Variants in KCTD16 observed in about 807,000 individuals in gnomAD.
KCTD16 encodes the protein potassium channel tetramerization domain containing 16.
A neutral mutation model predicts 33.2 loss-of-function variants in KCTD16; 13 were observed. The ratio of observed to expected loss-of-function variants is 0.39; its 90% CI spans 0.25 to 0.62. The LOEUF (loss-of-function observed/expected upper bound fraction) is 0.62, where lower values mean the gene tolerates loss of function less well. Ranked by LOEUF, KCTD16 falls within the 20% of genes least tolerant of loss-of-function variation. The pLI, the probability that KCTD16 is intolerant of heterozygous loss-of-function variation, is 0.50. For synonymous variants in KCTD16, 197 were observed against 195.3 expected, an observed-to-expected ratio of 1.01 and a Z score of -0.07; for missense variants, 441 against 525.1, an observed-to-expected ratio of 0.84 and a Z score of 1.57.
intron 3 of KCTD16, among the ~76,000 whole-genome samples, chr5:144,422,524 G>A (rs943126898): frequency 3.3e-5 from 5 of 152,124 alleles, no homozygotes; most frequent in African/African-American, 9.7e-5. Context: ...TCTCAACTCC[G>A]TCTCCAAATA....
chr5:144,299,106 A>ATCAC (rs61620861), intron 3 of KCTD16, among the ~76,000 whole-genome samples: 5 of 9,068 alleles, frequency 5.5e-4, no homozygotes, highest in African/African-American at 2.6e-3. Flanking sequence ...GTATATATAT[A>ATCAC]TATATATATA....
At chr5:144,199,869 C>A (rs1753010175) in intron 2 of KCTD16, among the ~76,000 whole-genome samples, 1 of 151,956 alleles carries the variant, frequency 6.6e-6, no homozygotes, top group Non-Finnish European at 1.5e-5. Context: ...TGCGTACCAT[C>A]ACACCCGACT....
chr5:144,385,595 C>T (rs778249831), intron 3 of KCTD16, among the ~76,000 whole-genome samples: 4 of 152,160 alleles, frequency 2.6e-5, no homozygotes, highest in Non-Finnish European at 4.4e-5. Context: ...TTCCCCTTCT[C>T]ACAATAGAAA....
intron 2 of KCTD16, among the ~76,000 whole-genome samples, chr5:144,204,196 G>C (rs570202058): frequency 6.6e-6 from 1 of 152,164 alleles, no homozygotes; most frequent in Non-Finnish European, 1.5e-5. Flanking sequence ...CAATAAACAC[G>C]TTTCTCATAA....
In KCTD16 at chr5:144,412,493, A is replaced by G. The variant is rs533670123; in HGVS notation, c.833-61167A>G. Among the ~76,000 whole-genome samples the G allele has an allele frequency of 2.4e-4, 37 of 152,326 alleles. 1 individual carries two copies. The South Asian group carries it at 6.6e-3, about 27-fold the overall frequency. ...AAAGAATCCTGTGAAGATAAGGAGTAGATTGGTGCTTATCAGAGGCTAGGA... is the reference window on the plus strand; with the variant it reads ...AAAGAATCCTGTGAAGATAAGGAGTGGATTGGTGCTTATCAGAGGCTAGGA... On this transcript the variant is annotated intron_variant, in intron 3 of 3. Coordinates refer to ENST00000512467, the MANE Select transcript of KCTD16 (RefSeq NM_020768.4).
At chr5:144,408,852 T>A (rs1382461676) in intron 3 of KCTD16, among the ~76,000 whole-genome samples, 1 of 152,184 alleles carries the variant, frequency 6.6e-6, no homozygotes, top group Admixed American at 6.5e-5. Context: ...ATGTTCCTTA[T>A]TCCTCCCCCA....
intron 3 of KCTD16, among the ~76,000 whole-genome samples, chr5:144,453,729 A>C (rs1395286421): frequency 6.6e-6 from 1 of 152,190 alleles, no homozygotes; most frequent in Non-Finnish European, 1.5e-5. Flanking sequence ...AGAATTCTTG[A>C]CCAGCTAGTG....
chr5:144,211,715 A>G (rs1378434938), intron 3 of KCTD16, among the ~76,000 whole-genome samples: 2 of 152,158 alleles, frequency 1.3e-5, no homozygotes, highest in Non-Finnish European at 2.9e-5. Flanking sequence ...AATAATTTCA[A>G]TTTTTATTAC....
chr5:144,431,797 C>T (rs947809115), intron 3 of KCTD16, among the ~76,000 whole-genome samples: 3 of 152,120 alleles, frequency 2.0e-5, no homozygotes, highest in African/African-American at 7.2e-5. Flanking sequence ...AATACATGCA[C>T]TCAATAACTT....
intron 3 of KCTD16, among the ~76,000 whole-genome samples, chr5:144,291,914 A>C (rs562638990): frequency 1.5e-4 from 23 of 152,340 alleles, no homozygotes; most frequent in African/African-American, 5.5e-4. Context: ...CAGATTCTCA[A>C]AATATTGTTT....
At chr5:144,322,411 A>T (rs1752095260) in intron 3 of KCTD16, among the ~76,000 whole-genome samples, 1 of 152,170 alleles carries the variant, frequency 6.6e-6, no homozygotes, top group Non-Finnish European at 1.5e-5. Context: ...TTTCTAGAGC[A>T]GTTGGGAAAT....
At chr5:144,196,387 G>T (rs1752939576) in intron 2 of KCTD16, among the ~76,000 whole-genome samples, 1 of 152,058 alleles carries the variant, frequency 6.6e-6, no homozygotes, top group South Asian at 2.1e-4. Flanking sequence ...AGGTATAAAT[G>T]ACCTCGGACC....
At chr5:144,309,732 A>T (rs1751709247) in intron 3 of KCTD16, among the ~76,000 whole-genome samples, 1 of 152,172 alleles carries the variant, frequency 6.6e-6, no homozygotes, top group African/African-American at 2.4e-5. Flanking sequence ...ACTGGTCCTA[A>T]GTTCGAGAGA....
In KCTD16 at chr5:144,353,955, A is replaced by T. The variant is rs547724498; in HGVS notation, c.833-119705A>T. ...ATTTGAACTCACCCTCAATTCCAAG[A>T]CTTATATATCACTAAGAGTTTTTTG... is the stretch of plus-strand genomic sequence containing the variant. On this transcript the variant is annotated intron_variant, in intron 3 of 3. Coordinates refer to ENST00000512467, the MANE Select transcript of KCTD16 (RefSeq NM_020768.4). Among the ~76,000 whole-genome samples the T allele has an allele frequency of 1.7e-4, 26 of 152,214 alleles. No homozygotes were observed. In the East Asian group the frequency reaches 4.1e-3, roughly 24 times the overall value.
At chr5:144,404,681 G>C (rs575473903) in intron 3 of KCTD16, among the ~76,000 whole-genome samples, 1 of 152,308 alleles carries the variant, frequency 6.6e-6, no homozygotes, top group Non-Finnish European at 1.5e-5. Flanking sequence ...TGAGAAGCCA[G>C]AACAGAGAAT....
chr5:144,463,329 C>T (rs1754246206), intron 3 of KCTD16, among the ~76,000 whole-genome samples: 1 of 151,988 alleles, frequency 6.6e-6, no homozygotes. Flanking sequence ...TTGAATTTGC[C>T]TTTTATTGTT....
chr5:144,424,549 C>G (rs768284883), intron 3 of KCTD16, among the ~76,000 whole-genome samples: 1 of 152,134 alleles, frequency 6.6e-6, no homozygotes, highest in Non-Finnish European at 1.5e-5. Context: ...ACTCTGTCTT[C>G]GATCATTTTC....
At chr5:144,346,105 A>G (rs1214604360) in intron 3 of KCTD16, among the ~76,000 whole-genome samples, 1 of 152,036 alleles carries the variant, frequency 6.6e-6, no homozygotes, top group African/African-American at 2.4e-5. Context: ...GGGAACATGC[A>G]GTGTTTGCCT....
intron 3 of KCTD16, among the ~76,000 whole-genome samples, chr5:144,239,840 C>T (rs918245190): frequency 6.6e-6 from 1 of 152,004 alleles, no homozygotes; most frequent in Non-Finnish European, 1.5e-5. Flanking sequence ...AGTGAGATTC[C>T]ACTGGTACTT....
Sources: gnomAD v4.1 joint callset for allele counts (sites outside exome capture counted in the v4.1 genomes callset) on GRCh38, gnomAD v4.1.1 for gene constraint, MANE v1.5 for transcripts, NCBI Gene and HGNC (gene_info 2026-07-23, HGNC 2026-07-21) for gene names.